CDH20: variants seen among roughly 807,000 people sequenced by gnomAD.
CDH20 encodes cadherin 20, also known as cadherin-20.
CDH20 carries 29 observed loss-of-function variants against 74.2 expected under a neutral mutation model. That is an observed-to-expected ratio of 0.39 (90% CI 0.29 to 0.53). CDH20 has a LOEUF of 0.53. CDH20 is among the 20% of genes least tolerant of loss of function. The probability of loss-of-function intolerance (pLI) is 0.69; values close to 1 mark genes in which losing one functional copy is unlikely to be tolerated. For missense variants in CDH20, 988 were observed against 1,048.3 expected, an observed-to-expected ratio of 0.94 and a Z score of 0.79; for synonymous variants, 469 against 405.4, an observed-to-expected ratio of 1.16 and a Z score of -1.88.
chr18:61,334,480 A>T (rs1470415816), intron 1 of CDH20: 3 of 152,338 alleles, frequency 2.0e-5, no homozygotes, highest in African/African-American at 7.2e-5. Context: ...CTCCCAAGGA[A>T]AGCTCTGAAT....
intron 10 of CDH20, 126 bp downstream of exon 10, chr18:61,545,270 T>C (rs1379777045): frequency 6.1e-6 from 4 of 653,072 alleles, no homozygotes; most frequent in Non-Finnish European, 1.1e-5. Flanking sequence ...ATGTTAATAA[T>C]TCAGTGTATT....
At position 61,538,592 on chromosome 18, in the gene CDH20, G is replaced by GTT. The variant is rs1445503985; in HGVS notation, c.1409-430_1409-429dup. ...GTAAATAACTACTTTTTGTTTGTTT[G>GTT]TTTGTTTTTGTTTTTGTTTTTGTTT... On this transcript the variant is annotated intron_variant, in intron 8 of 11. Coordinates refer to ENST00000262717, the MANE Select transcript of CDH20 (RefSeq NM_031891.4). Among the ~76,000 whole-genome samples the GTT allele has an allele frequency of 5.1e-3, 269 of 52,762 alleles. 6 individuals are homozygous for GTT. Among genetic ancestry groups the GTT allele is most frequent in the South Asian group, 9.5e-3 (15 of 1,586 alleles). The allele number at this position is 52,762 out of a possible 152,430, so 34.6% of individuals were successfully genotyped here.
chr18:61,355,245 A>C (rs1910460546), intron 1 of CDH20, among the ~76,000 whole-genome samples: 1 of 152,252 alleles, frequency 6.6e-6, no homozygotes, highest in Non-Finnish European at 1.5e-5. Context: ...ATTCAATAGA[A>C]GAACCAATGT....
intron 1 of CDH20, among the ~76,000 whole-genome samples, chr18:61,459,655 G>A (rs944219164): frequency 3.3e-5 from 5 of 152,182 alleles, no homozygotes; most frequent in Non-Finnish European, 7.4e-5. Flanking sequence ...AAAAGCTCAG[G>A]CCCCACCCCG....
chr18:61,440,340 C>T (rs143433465), intron 1 of CDH20, among the ~76,000 whole-genome samples: 35 of 152,126 alleles, frequency 2.3e-4, no homozygotes, highest in African/African-American at 8.0e-4. Context: ...CTACCCACAG[C>T]CTGAAGTAGA....
intron 1 of CDH20, among the ~76,000 whole-genome samples, chr18:61,369,738 A>G (rs1352866079): frequency 2.6e-5 from 4 of 152,200 alleles, no homozygotes; most frequent in African/African-American, 9.6e-5. Context: ...GCCATAAAAA[A>G]GAATGAGATC....
intron 1 of CDH20, among the ~76,000 whole-genome samples, chr18:61,343,209 C>T (rs1441594696): frequency 1.3e-5 from 2 of 152,202 alleles, no homozygotes; most frequent in Non-Finnish European, 2.9e-5. Context: ...ACTGCAGGTT[C>T]CCAATGCTCT....
intron 8 of CDH20, among the ~76,000 whole-genome samples, chr18:61,538,608 G>GTTTTT (rs1449356386): frequency 8.8e-4 from 32 of 36,324 alleles, no homozygotes; most frequent in East Asian, 1.3e-3. Context: ...TTTTGTTTTT[G>GTTTTT]TTTTTGTTTT....
intron 1 of CDH20, among the ~76,000 whole-genome samples, chr18:61,339,774 G>A (rs1043555594): frequency 5.7e-5 from 8 of 139,700 alleles, no homozygotes; most frequent in Admixed American, 8.0e-5. Flanking sequence ...TGCAAGCTCC[G>A]CCTCCTGGGT....
chr18:61,512,249 A>G (rs913605325), intron 6 of CDH20, among the ~76,000 whole-genome samples: 3 of 152,344 alleles, frequency 2.0e-5, no homozygotes, highest in African/African-American at 4.8e-5. Flanking sequence ...TGCTTGAAGT[A>G]TAACTTGAAA....
At chr18:61,552,497 G>A (rs1288151714) in intron 11 of CDH20, among the ~76,000 whole-genome samples, 2 of 151,744 alleles carry the variant, frequency 1.3e-5, no homozygotes, top group African/African-American at 4.8e-5. Context: ...ATTCTCTCCA[G>A]CAAGGTATTC....
At chr18:61,434,335 T>C (rs1053201711) in intron 1 of CDH20, among the ~76,000 whole-genome samples, 1 of 152,150 alleles carries the variant, frequency 6.6e-6, no homozygotes, top group African/African-American at 2.4e-5. Context: ...TTAGAAAACA[T>C]GGTACAGAAT....
At chr18:61,459,479 G>A (rs1282902101) in intron 1 of CDH20, among the ~76,000 whole-genome samples, 1 of 152,124 alleles carries the variant, frequency 6.6e-6, no homozygotes, top group Non-Finnish European at 1.5e-5. Context: ...AGTCCTATAT[G>A]CACACCACCA....
intron 1 of CDH20, among the ~76,000 whole-genome samples, chr18:61,339,701 T>TTTTTTTTTTTTTTTTTTTTTTTTC (rs58434671): frequency 2.4e-5 from 3 of 122,944 alleles, no homozygotes; most frequent in Non-Finnish European, 4.9e-5. Flanking sequence ...TTTTTTTTTT[T>TTTTTTTTTTTTTTTTTTTTTTTTC]TTTTGAGATG....
chr18:61,415,270 T>C (rs1912645594), intron 1 of CDH20, among the ~76,000 whole-genome samples: 1 of 152,206 alleles, frequency 6.6e-6, no homozygotes, highest in Non-Finnish European at 1.5e-5. Flanking sequence ...TTAAAATATA[T>C]ATTTTAAGTC....
chr18:61,396,046 T>A (rs78859412), intron 1 of CDH20, among the ~76,000 whole-genome samples: 5,614 of 151,606 alleles, frequency 0.037, 148 homozygotes, highest in South Asian at 0.051. Flanking sequence ...ACAGAGTGTG[T>A]GTGTGTTTGT....
intron 1 of CDH20, among the ~76,000 whole-genome samples, chr18:61,401,930 A>C (rs1024673537): frequency 2.6e-5 from 4 of 152,208 alleles, no homozygotes; most frequent in African/African-American, 9.6e-5. Context: ...CTTGGCAAAA[A>C]TTCACATGAA....
At chr18:61,547,744 T>C (rs546892833) in intron 10 of CDH20, among the ~76,000 whole-genome samples, 105 of 147,960 alleles carry the variant, frequency 7.1e-4, no homozygotes, top group African/African-American at 2.5e-3. Context: ...ACACACAGTG[T>C]TCTGTGTCAC....
At chr18:61,408,426 T>C (rs2144242024) in intron 1 of CDH20, among the ~76,000 whole-genome samples, 2 of 152,348 alleles carry the variant, frequency 1.3e-5, no homozygotes, top group South Asian at 4.1e-4. Context: ...GGTTTTAGGC[T>C]GGATGATCTC....
Sources: allele counts gnomAD v4.1 joint callset (sites outside exome capture counted in the v4.1 genomes callset), GRCh38; gene constraint gnomAD v4.1.1; transcripts MANE v1.5; gene names NCBI Gene and HGNC (gene_info 2026-07-23, HGNC 2026-07-21).